IGSF5: variants seen among roughly 807,000 people sequenced by gnomAD.
IGSF5 encodes the protein immunoglobulin superfamily member 5.
IGSF5 carries 41 observed loss-of-function variants against 39.4 expected under a neutral mutation model. The ratio of observed to expected loss-of-function variants is 1.04; its 90% CI spans 0.81 to 1.35. The LOEUF (loss-of-function observed/expected upper bound fraction) is 1.35. Among genes scored for constraint, IGSF5 ranks in the 40% most tolerant of loss-of-function variants. IGSF5 has a pLI of 0.00. For synonymous variants in IGSF5, 183 were observed against 175.3 expected (o/e 1.04, Z -0.34); for missense variants, 487 against 494.6 (o/e 0.98, Z 0.15).
At chr21:39,796,518 T>A (rs962622466) in intron 8 of IGSF5, among the ~76,000 whole-genome samples, 2 of 152,230 alleles carry the variant, frequency 1.3e-5, no homozygotes, top group East Asian at 1.9e-4. Context: ...AGCTGAGAGC[T>A]ATTCAGAGTC....
At position 39,746,230 on chromosome 21, in the gene IGSF5, C is replaced by G. The variant is rs535627085; in HGVS notation, c.32C>G (p.Thr11Ser). ...CACTGGATCAGGAGCACAGCAGATA[C>G]TCTGCCGGATCTGGAGGAATGGAAG... MGQKERSTADTLPDLEEWKSA... is the reference protein window; with the variant it reads MGQKERSTADSLPDLEEWKSA... Residue 11 changes from threonine (T) to serine (S), a missense_variant, in exon 2 of 9, where the codon ACT (threonine) becomes AGT (serine). Transcript: ENST00000380588. 1.4e-6 allele frequency: 1 copy of G among 701,814 alleles called. No homozygotes were observed. The highest frequency in any genetic ancestry group is 2.7e-5 in the East Asian group (1 of 37,286). The allele number at this position is 701,814 out of a possible 1,614,324, so 43.5% of individuals were successfully genotyped here. A position where few individuals can be genotyped will look rare whatever the true frequency, so the allele number is the denominator to read the frequency against.
At chr21:39,729,804 A>G in the IGSF5 span, 1 of 152,230 alleles carries the variant, frequency 6.6e-6, no homozygotes, top group Non-Finnish European at 1.5e-5. Flanking sequence ...GTCTTGGGAT[A>G]CTACAGAAAG....
intron 5 of IGSF5, among the ~76,000 whole-genome samples, chr21:39,784,920 G>T (rs77275868): frequency 0.039 from 5,955 of 151,830 alleles, 359 homozygotes; most frequent in African/African-American, 0.14. Context: ...GCTCAGCCTG[G>T]CCTGGGGGCT....
At chr21:39,712,799 ATCTTTATGTTTAAT>A in the IGSF5 span, among the ~76,000 whole-genome samples, 5 of 152,106 alleles carry the variant, frequency 3.3e-5, no homozygotes, top group African/African-American at 1.2e-4. Flanking sequence ...GAACATGACC[ATCTTTATGTTTAAT>A]GCTCATCCTG....
chr21:39,801,391 C>G lies in IGSF5; in HGVS notation c.*34C>G, dbSNP rs190299375. On this transcript the variant is annotated 3_prime_UTR_variant, in exon 9 of 9. Coordinates refer to ENST00000380588, the MANE Select transcript of IGSF5 (RefSeq NM_001080444.2). Reference sequence around the variant, plus strand: ...TCCCCAAGCTCCACTGAGCACTTGGCTGACAATTCAAAACACGGCGATGGC... The same window carrying G: ...TCCCCAAGCTCCACTGAGCACTTGGGTGACAATTCAAAACACGGCGATGGC... 4.7e-4 allele frequency: 707 copies of G among 1,498,344 alleles called. 2 individuals carry two copies. In the African/African-American group the frequency reaches 8.3e-3, roughly 18 times the overall value. 92.8% of individuals were successfully genotyped at this position (1,498,344 alleles called of 1,614,324 possible).
At chr21:39,753,128 A>G (rs907980391) in intron 2 of IGSF5, among the ~76,000 whole-genome samples, 1 of 152,110 alleles carries the variant, frequency 6.6e-6, no homozygotes, top group African/African-American at 2.4e-5. Context: ...GTTTTGGATC[A>G]TAGATTTAAG....
At chr21:39,781,598 CAT>C (rs1442184712) in intron 5 of IGSF5, among the ~76,000 whole-genome samples, 2 of 152,204 alleles carry the variant, frequency 1.3e-5, no homozygotes, top group African/African-American at 4.8e-5. Flanking sequence ...ACCAGCAACA[CAT>C]GAGAGTTCCC....
intron 6 of IGSF5, 117 bp from the exon 7 acceptor site, chr21:39,791,891 A>T (rs977497596): frequency 4.2e-5 from 28 of 672,604 alleles, no homozygotes; most frequent in Non-Finnish European, 6.8e-5. Flanking sequence ...GTTAAGTTCA[A>T]TGTGTAAGCA....
intron 2 of IGSF5, among the ~76,000 whole-genome samples, chr21:39,752,781 CTGTT>C (rs927233036): frequency 6.6e-5 from 10 of 152,026 alleles, no homozygotes; most frequent in African/African-American, 2.4e-4. Flanking sequence ...TGTTTGTTGG[CTGTT>C]TGTATATCTT....
rs1414270302 is a variant in IGSF5, at chr21:39,745,207, C to T, written c.-303C>T. ...TCTCTCTCCGTGTCTCTCTCTTAGC[C>T]ATTACAAACTTGGGGCCCTGGCAAG... On this transcript the variant is annotated 5_prime_UTR_variant, in exon 1 of 9. Transcript: ENST00000380588. Among the ~76,000 whole-genome samples, 7 of 151,914 alleles carry T rather than the reference C, an allele frequency of 4.6e-5. No homozygotes were observed. In the East Asian group the frequency reaches 1.4e-3, roughly 30 times the overall value.
At chr21:39,765,952 A>G in intron 3 of IGSF5, 100 bp downstream of exon 3, 2 of 1,081,970 alleles carry the variant, frequency 1.8e-6, no homozygotes, top group Non-Finnish European at 2.7e-6. Flanking sequence ...GACGTGGTCT[A>G]CCTTCAGTTG....
At chr21:39,798,841 T>C (rs1187411808) in intron 8 of IGSF5, among the ~76,000 whole-genome samples, 2 of 152,126 alleles carry the variant, frequency 1.3e-5, no homozygotes, top group African/African-American at 4.8e-5. Context: ...GATGCAGTGG[T>C]GAAACCTTTT....
intron 2 of IGSF5, among the ~76,000 whole-genome samples, chr21:39,751,914 A>T (rs780993457): frequency 3.3e-5 from 5 of 152,184 alleles, no homozygotes; most frequent in Non-Finnish European, 7.3e-5. Flanking sequence ...TTCCGAGTGC[A>T]GGAGAAATGC....
chr21:39,729,634 T>C, the IGSF5 span: 2 of 152,046 alleles, frequency 1.3e-5, no homozygotes, highest in Non-Finnish European at 1.5e-5. Flanking sequence ...GAGAATACTG[T>C]GAAAGGAGGA....
chr21:39,793,006 C>A (rs1310471818), intron 7 of IGSF5, among the ~76,000 whole-genome samples: 1 of 97,354 alleles, frequency 1.0e-5, no homozygotes, highest in Non-Finnish European at 2.5e-5. Flanking sequence ...TTTCAGCAGC[C>A]CCATTTTTTT....
chr21:39,732,547 C>T, the IGSF5 span, among the ~76,000 whole-genome samples: 3 of 152,066 alleles, frequency 2.0e-5, no homozygotes, highest in African/African-American at 7.2e-5. Context: ...CCAAATATAC[C>T]ACCCTTATGA....
At chr21:39,765,100 T>G (rs1159354611) in intron 2 of IGSF5, among the ~76,000 whole-genome samples, 11 of 152,200 alleles carry the variant, frequency 7.2e-5, no homozygotes, top group Non-Finnish European at 8.8e-5. Flanking sequence ...TCACATGATG[T>G]TCTTCTCTGC....
the IGSF5 span, among the ~76,000 whole-genome samples, chr21:39,723,482 C>T: frequency 9.2e-5 from 14 of 152,142 alleles, no homozygotes; most frequent in African/African-American, 1.9e-4. Flanking sequence ...TCAGAAGTCC[C>T]AGCCCCACTC....
chr21:39,727,934 T>C, the IGSF5 span: 3 of 152,200 alleles, frequency 2.0e-5, no homozygotes, highest in Admixed American at 1.3e-4. Context: ...ATTCCTCTCA[T>C]GCCACGAATG....
Sources: gnomAD v4.1 joint callset for allele counts (sites outside exome capture counted in the v4.1 genomes callset) on GRCh38, gnomAD v4.1.1 for gene constraint, MANE v1.5 for transcripts, NCBI Gene and HGNC (gene_info 2026-07-23, HGNC 2026-07-21) for gene names.